The following KCNIP4 variants were observed in gnomAD, a reference collection of about 807,000 sequenced individuals.
The protein encoded by KCNIP4 is potassium voltage-gated channel interacting protein 4.
KCNIP4 carries 12 observed loss-of-function variants against 34.0 expected under a neutral mutation model. The observed-to-expected ratio is 0.35, with a 90% CI of 0.23 to 0.57. The LOEUF is 0.57. KCNIP4 is among the 20% of genes least tolerant of loss of function. The probability of loss-of-function intolerance (pLI) is 0.83; values close to 1 mark genes in which losing one functional copy is unlikely to be tolerated. For missense variants in KCNIP4, 238 were observed against 311.7 expected (o/e 0.76, Z 1.78); for synonymous variants, 124 against 102.2 (o/e 1.21, Z -1.29).
chr4:21,895,031 G>A (rs1333339613), intron 1 of KCNIP4, among the ~76,000 whole-genome samples: 2 of 152,066 alleles, frequency 1.3e-5, no homozygotes, highest in African/African-American at 2.4e-5. Flanking sequence ...TCATTTTCCA[G>A]GTGAGTTGGG....
At chr4:21,291,367 C>A (rs900953478) in intron 1 of KCNIP4, among the ~76,000 whole-genome samples, 1 of 129,034 alleles carries the variant, frequency 7.7e-6, no homozygotes, top group African/African-American at 2.6e-5. Flanking sequence ...CATTTGTGTA[C>A]AAATAGGTAT....
At chr4:20,730,245 G>T in intron 8 of KCNIP4, 116 bp from the exon 9 acceptor site, 1 of 1,295,158 alleles carries the variant, frequency 7.7e-7, no homozygotes. Flanking sequence ...TATGCCAAAA[G>T]CTCAAATATT....
At chr4:21,424,642 C>T (rs966755331) in intron 1 of KCNIP4, among the ~76,000 whole-genome samples, 1 of 151,902 alleles carries the variant, frequency 6.6e-6, no homozygotes, top group African/African-American at 2.4e-5. Flanking sequence ...AGCAAGCTTA[C>T]TTTTTTTAGG....
chr4:21,467,346 C>T (rs28609288), intron 1 of KCNIP4, among the ~76,000 whole-genome samples: 4,465 of 152,130 alleles, frequency 0.029, 206 homozygotes, highest in African/African-American at 0.1. Flanking sequence ...TTGAATGATA[C>T]GTGTTTCCAA....
intron 1 of KCNIP4, among the ~76,000 whole-genome samples, chr4:21,720,542 T>C (rs1018749842): frequency 3.9e-5 from 5 of 127,976 alleles, no homozygotes; most frequent in African/African-American, 1.6e-4. Flanking sequence ...TTTTTTTTTT[T>C]TCATTGTACT....
At chr4:20,791,823 A>G (rs1578628219) in intron 3 of KCNIP4, among the ~76,000 whole-genome samples, 1 of 152,198 alleles carries the variant, frequency 6.6e-6, no homozygotes, top group African/African-American at 2.4e-5. Flanking sequence ...ACTGCCTTCC[A>G]TAATATGAGA....
At chr4:20,934,067 G>T (rs1577390666) in intron 1 of KCNIP4, among the ~76,000 whole-genome samples, 1 of 152,276 alleles carries the variant, frequency 6.6e-6, no homozygotes, top group East Asian at 1.9e-4. Flanking sequence ...GCACAAAAAA[G>T]ATATTTCCTA....
At chr4:21,227,264 C>A (rs1560191639) in intron 1 of KCNIP4, among the ~76,000 whole-genome samples, 1 of 152,104 alleles carries the variant, frequency 6.6e-6, no homozygotes, top group African/African-American at 2.4e-5. Flanking sequence ...TCAAGGACAC[C>A]AGGTTGCTTA....
chr4:21,745,945 C>G (rs1047760650), intron 1 of KCNIP4, among the ~76,000 whole-genome samples: 1 of 152,108 alleles, frequency 6.6e-6, no homozygotes, highest in Non-Finnish European at 1.5e-5. Context: ...ATACAACAGA[C>G]TGAGGGGCTT....
Position 21,191,352 on chromosome 4 carries a change from A to G in KCNIP4, c.62-308643T>C, listed in dbSNP as rs1347184474. Among the ~76,000 whole-genome samples, 4 of 152,220 alleles carry G rather than the reference A, an allele frequency of 2.6e-5. 1 individual carries two copies. Among genetic ancestry groups the G allele is most frequent in the African/African-American group, 9.7e-5 (4 of 41,448 alleles). ...ATGAGACTGGAATATTGATTCTGCCACATACGAAGGCTGGAAAGTATTCAT... is the reference window on the plus strand; with the variant it reads ...ATGAGACTGGAATATTGATTCTGCCGCATACGAAGGCTGGAAAGTATTCAT... On this transcript the variant is annotated intron_variant, in intron 1 of 8. Coordinates refer to ENST00000382152, the MANE Select transcript of KCNIP4 (RefSeq NM_025221.6).
chr4:20,905,852 G>A (rs1236516971), intron 1 of KCNIP4, among the ~76,000 whole-genome samples: 3 of 151,522 alleles, frequency 2.0e-5, no homozygotes, highest in Non-Finnish European at 4.4e-5. Context: ...CAAGGTATAG[G>A]GAAAAAAACA....
intron 1 of KCNIP4, among the ~76,000 whole-genome samples, chr4:21,046,422 T>C (rs927219703): frequency 7.2e-5 from 11 of 152,288 alleles, no homozygotes; most frequent in South Asian, 2.1e-4. Flanking sequence ...GCTGTGAAGA[T>C]AGCAGTTCTT....
chr4:21,354,225 A>C (rs1269065361), intron 1 of KCNIP4, among the ~76,000 whole-genome samples: 2 of 152,198 alleles, frequency 1.3e-5, no homozygotes, highest in Admixed American at 1.3e-4. Context: ...CGATGCTATG[A>C]AGAAACTGCA....
intron 1 of KCNIP4, among the ~76,000 whole-genome samples, chr4:21,645,278 C>T (rs1401164222): frequency 6.6e-6 from 1 of 152,048 alleles, no homozygotes; most frequent in African/African-American, 2.4e-5. Flanking sequence ...AAATAAATTG[C>T]CCATATCATA....
chr4:21,091,048 C>A (rs192933805), intron 1 of KCNIP4, among the ~76,000 whole-genome samples: 1 of 152,138 alleles, frequency 6.6e-6, no homozygotes, highest in Non-Finnish European at 1.5e-5. Flanking sequence ...TTTGTTCAAC[C>A]AATTTTCAAC....
intron 1 of KCNIP4, among the ~76,000 whole-genome samples, chr4:21,193,505 T>G (rs1278295374): frequency 2.0e-5 from 3 of 152,104 alleles, no homozygotes; most frequent in Non-Finnish European, 2.9e-5. Flanking sequence ...TCATGATGGG[T>G]AATTTCTGGG....
intron 1 of KCNIP4, among the ~76,000 whole-genome samples, chr4:21,562,859 T>G (rs1739574499): frequency 6.6e-6 from 1 of 152,026 alleles, no homozygotes; most frequent in African/African-American, 2.4e-5. Flanking sequence ...GATACCAAAG[T>G]GAACAAAAAT....
intron 1 of KCNIP4, among the ~76,000 whole-genome samples, chr4:21,880,399 C>T (rs533215276): frequency 3.3e-5 from 5 of 152,192 alleles, no homozygotes; most frequent in Admixed American, 3.3e-4. Flanking sequence ...AATTTATATT[C>T]TTACCATCAA....
chr4:21,497,532 A>G (rs1335597359), intron 1 of KCNIP4, among the ~76,000 whole-genome samples: 1 of 151,916 alleles, frequency 6.6e-6, no homozygotes. Flanking sequence ...CCCTGATTCC[A>G]CCCCAAACAG....
Sources: gnomAD v4.1 joint callset for allele counts (sites outside exome capture counted in the v4.1 genomes callset) on GRCh38, gnomAD v4.1.1 for gene constraint, MANE v1.5 for transcripts, NCBI Gene and HGNC (gene_info 2026-07-23, HGNC 2026-07-21) for gene names.